KANK3: variants seen among roughly 807,000 people sequenced by gnomAD.
The protein encoded by KANK3 is KN motif and ankyrin repeat domains 3.
KANK3 carries 61 observed loss-of-function variants against 65.4 expected under a neutral mutation model. The observed-to-expected ratio is 0.93, with a 90% CI of 0.76 to 1.15. The LOEUF (loss-of-function observed/expected upper bound fraction) is 1.15, where lower values mean the gene tolerates loss of function less well. Among genes scored for constraint, KANK3 ranks in the 50% most tolerant of loss-of-function variants. The pLI, the probability that KANK3 is intolerant of heterozygous loss-of-function variation, is 0.00. For synonymous variants in KANK3, 586 were observed against 543.3 expected (o/e 1.08, Z -1.09); for missense variants, 1,187 against 1,178.8 (o/e 1.01, Z -0.10).
intron 1 of KANK3, among the ~76,000 whole-genome samples, chr19:8,339,393 CTT>C (rs1354907169): frequency 6.7e-6 from 1 of 150,328 alleles, no homozygotes; most frequent in East Asian, 1.9e-4. Flanking sequence ...GAATTTCCCT[CTT>C]GTTGCCCAGG....
intron 7 of KANK3, among the ~76,000 whole-genome samples, chr19:8,331,219 TG>T (rs35412614): frequency 0.49 from 64,037 of 131,224 alleles, 14,744 homozygotes; most frequent in African/African-American, 0.64. Flanking sequence ...AAAAAAGGGG[TG>T]GGGGGGGGAT....
intron 7 of KANK3, 22 bp downstream of exon 7, chr19:8,332,992 C>A: frequency 1.6e-5 from 7 of 449,122 alleles, no homozygotes; most frequent in Non-Finnish European, 2.2e-5. Flanking sequence ...TGGTGTCCCA[C>A]CCACCCTCCC....
intron 2 of KANK3, 71 bp from the exon 3 acceptor site, chr19:8,335,863 A>G (rs1970629153): frequency 2.9e-5 from 31 of 1,083,390 alleles, no homozygotes; most frequent in Non-Finnish European, 3.5e-5. Flanking sequence ...AAACAAACCG[A>G]GCGTGTCCCC....
rs147831975 is a variant in KANK3 at position 8,322,887 on chromosome 19, A to T, written c.2418T>A (p.Pro806=). 22 of 1,571,800 alleles carry T rather than the reference A, an allele frequency of 1.4e-5. No homozygotes were observed. The highest frequency in any genetic ancestry group is 1.8e-5 in the Non-Finnish European group (21 of 1,159,246). The change falls in exon 11 of 11, where the codon CCT becomes CCA. Residue 806 remains proline, a synonymous_variant. Transcript: ENST00000330915. ...CATTGTCACCGCATTCTCCTTCACCAGGTGTGGCTGTCTGGGAGCCAGGGG... is the reference window on the plus strand; with the variant it reads ...CATTGTCACCGCATTCTCCTTCACCTGGTGTGGCTGTCTGGGAGCCAGGGG... ...ESPPGSQTAT[P]GEGECGDNGE...
chr19:8,336,703 G>A (rs771940106), intron 2 of KANK3, among the ~76,000 whole-genome samples: 1 of 142,744 alleles, frequency 7.0e-6, no homozygotes, highest in Non-Finnish European at 1.5e-5. Flanking sequence ...TTGCACCACT[G>A]CACTCCAGAC....
In KANK3 at chr19:8,341,216, A is replaced by T. The variant is rs1970719990; in HGVS notation, c.-29+2009T>A. On this transcript the variant is annotated intron_variant, in intron 1 of 10. Transcript: ENST00000330915. Reference sequence around the variant, plus strand: ...AGCCTCTAGTCTAAGGAATTTATGGATATTTACTTTTTTTTTTTTTTTTTT... The same window carrying T: ...AGCCTCTAGTCTAAGGAATTTATGGTTATTTACTTTTTTTTTTTTTTTTTT... Among the ~76,000 whole-genome samples, 5 of 148,884 alleles carry T rather than the reference A, an allele frequency of 3.4e-5. No homozygotes were observed. In the Admixed American group the frequency reaches 3.4e-4, roughly 10 times the overall value.
chr19:8,327,739 CGCCACTA>C (rs1970454370), intron 7 of KANK3, among the ~76,000 whole-genome samples: 1 of 152,100 alleles, frequency 6.6e-6, no homozygotes, highest in Non-Finnish European at 1.5e-5. Context: ...GGCTGCATCA[CGCCACTA>C]CACCCCAGCC....
At chr19:8,324,407 T>A (rs1396482540) in intron 10 of KANK3, 42 bp downstream of exon 10, 1 of 1,529,602 alleles carries the variant, frequency 6.5e-7, no homozygotes, top group African/African-American at 1.4e-5. Flanking sequence ...GCAAACTGAA[T>A]TTGCAGCTGG....
chr19:8,332,987 T>TTGCCCCCCC, intron 7 of KANK3, 27 bp downstream of exon 7: 2 of 395,192 alleles, frequency 5.1e-6, no homozygotes, highest in Non-Finnish European at 4.8e-6. Context: ...TTTCCTGGTG[T>TTGCCCCCCC]CCCACCCACC....
chr19:8,334,940 C>A lies in KANK3; in HGVS notation c.887G>T (p.Gly296Val), dbSNP rs1049947867. The change falls in exon 3 of 11, where the codon GGG (glycine) becomes GTG (valine). Residue 296 changes from glycine (G) to valine (V), a missense_variant. By Grantham distance (109) the Gly-to-Val change is moderately radical. Around this residue, in one of 3 missense-constraint regions of KANK3, gnomAD observed 1,078 missense variants for 1,038.2 expected, o/e 1.04. Coordinates refer to ENST00000330915, the MANE Select transcript of KANK3 (RefSeq NM_198471.3). ...VLDGEVGSLD[G>V]TPQTREVAAE... ...GGCCACCTCCCGGGTCTGGGGCGTC[C>A]CATCGAGACTCCCGACCTCCCCGTC... 11 of 1,486,006 alleles carry A rather than the reference C, an allele frequency of 7.4e-6. No individual in the cohort carries two copies. Among genetic ancestry groups the A allele is most frequent in the African/African-American group, 1.5e-5 (1 of 68,388 alleles). The allele number at this position is 1,486,006 out of a possible 1,614,324, so 92.1% of individuals were successfully genotyped here. A position where few individuals can be genotyped will look rare whatever the true frequency, so the allele number is the denominator to read the frequency against.
chr19:8,328,142 G>T (rs903557042), intron 7 of KANK3, among the ~76,000 whole-genome samples: 1 of 152,104 alleles, frequency 6.6e-6, no homozygotes, highest in East Asian at 1.9e-4. Flanking sequence ...GCCGGGTGTG[G>T]TGGAGAACGC....
chr19:8,325,465 G>T (rs1970411714), intron 7 of KANK3, among the ~76,000 whole-genome samples: 1 of 151,758 alleles, frequency 6.6e-6, no homozygotes, highest in African/African-American at 2.4e-5. Flanking sequence ...TAGAGACAGG[G>T]TTTCACCATG....
Position 8,334,044 on chromosome 19 carries a change from CG to C in KANK3, c.1499del (p.Pro500ArgfsTer49). The C allele has an allele frequency of 1.9e-6, 3 of 1,542,282 alleles. No homozygotes were observed. The highest frequency in any genetic ancestry group is 2.6e-6 in the Non-Finnish European group (3 of 1,149,168). ...CATCCCCGGAGCCCGAGGAGCTACCCGGGGGCTCGGCGCCACCGTTCTCGCT... is the reference window on the plus strand; with the variant it reads ...CATCCCCGGAGCCCGAGGAGCTACCCGGGGCTCGGCGCCACCGTTCTCGCT... ...GDSENGGAEP[P>X]GSSSGSGDDS... On this transcript the variant is annotated frameshift_variant, in exon 5 of 11. Coordinates refer to ENST00000330915, the MANE Select transcript of KANK3 (RefSeq NM_198471.3). LOFTEE classifies it high-confidence loss of function.
chr19:8,341,671 G>A (rs1264430492), intron 1 of KANK3, among the ~76,000 whole-genome samples: 1 of 152,134 alleles, frequency 6.6e-6, no homozygotes, highest in Non-Finnish European at 1.5e-5. Context: ...TTTATTTTTT[G>A]TAGATACAGG....
chr19:8,340,816 G>A (rs752267967), intron 1 of KANK3, among the ~76,000 whole-genome samples: 21 of 152,252 alleles, frequency 1.4e-4, no homozygotes, highest in Admixed American at 3.9e-4. Context: ...GCTGTTTCCC[G>A]TCCCTTCACA....
At position 8,335,572 on chromosome 19, in the gene KANK3, G is replaced by A; in HGVS notation, c.255C>T (p.Ser85=). ...ACTCGCTGGATGTCCAGGCGCCTGG[G>A]CTACGTGCGCCCGCGAGGCCGGGCC... ...APRPGLAGAR[S]PGAWTSSESL... is the part of the protein sequence containing the mutation. Residue 85 remains serine (S), a synonymous_variant, in exon 3 of 11, where the codon AGC becomes AGT. Transcript: ENST00000330915. 1.6e-6 allele frequency: 2 copies of A among 1,219,908 alleles called. No individual in the cohort carries two copies. Among genetic ancestry groups the A allele is most frequent in the Non-Finnish European group, 2.1e-6 (2 of 973,786 alleles). The allele number at this position is 1,219,908 out of a possible 1,614,324, so 75.6% of individuals were successfully genotyped here. A position where few individuals can be genotyped will look rare whatever the true frequency, so the allele number is the denominator to read the frequency against.
intron 2 of KANK3, among the ~76,000 whole-genome samples, chr19:8,336,298 G>A (rs1756698654): frequency 6.6e-6 from 1 of 152,006 alleles, no homozygotes. Context: ...TAGCTGGGCG[G>A]TAGTGGCGCG....
chr19:8,324,487 G>A lies in KANK3; in HGVS notation c.2344C>T (p.Leu782=). ...EAEQDEVAAL[L]HAHLSSGQPD... ...TGGCCCGAGCTCAGGTGGGCATGTA[G>A]CAGAGCGGCCACCTCATCCTGCTCA... The change falls in exon 10 of 11, where the codon CTA becomes TTA. Residue 782 remains leucine (L), a synonymous_variant. Coordinates refer to ENST00000330915, the MANE Select transcript of KANK3 (RefSeq NM_198471.3). 6.2e-7 allele frequency: 1 copy of A among 1,611,970 alleles called. No homozygotes were observed. The highest frequency in any genetic ancestry group is 8.5e-7 in the Non-Finnish European group (1 of 1,179,088).
chr19:8,324,656 C>T lies in KANK3; in HGVS notation c.2257G>A (p.Gly753Ser). 6.2e-7 allele frequency: 1 copy of T among 1,614,058 alleles called. No homozygotes were observed. The highest frequency in any genetic ancestry group is 8.5e-7 in the Non-Finnish European group (1 of 1,180,018). ...TTGTCCAGGATGGCAGGGTCACAGC[C>T]TGGCTGGGTGAGCAGCAGCCGCACG... ...DTVRLLLTQP[G>S]CDPAILDNEG... The change falls in exon 9 of 11, where the codon GGC (glycine) becomes AGC (serine). Residue 753 changes from glycine to serine, a missense_variant. This residue lies in a region of KANK3 where 1,078 missense variants were observed against 1,038.2 expected (regional missense o/e 1.04). Coordinates refer to ENST00000330915, the MANE Select transcript of KANK3 (RefSeq NM_198471.3).
Sources: gnomAD v4.1 joint callset for allele counts (sites outside exome capture counted in the v4.1 genomes callset) on GRCh38, gnomAD v4.1.1 for gene constraint, gnomAD v4.1.1 regional missense constraint, MANE v1.5 for transcripts, NCBI Gene and HGNC (gene_info 2026-07-23, HGNC 2026-07-21) for gene names.